ZBTB16: variants seen among roughly 807,000 people sequenced by gnomAD.
ZBTB16 encodes zinc finger and BTB domain-containing protein 16.
In ZBTB16, 8 loss-of-function variants were observed where a neutral mutation model predicts 56.8. That is an observed-to-expected ratio of 0.14 (90% CI 0.08 to 0.25). ZBTB16 has a LOEUF of 0.25. Among genes scored for constraint, ZBTB16 ranks in the 10% least tolerant of loss-of-function variants. The pLI is 1.00. For missense variants in ZBTB16, 625 were observed against 903.0 expected (o/e 0.69, Z 3.95); for synonymous variants, 363 against 368.5 (o/e 0.98, Z 0.17).
Position 114,203,178 on chromosome 11 carries a change from C to T in ZBTB16, c.1453+16140C>T, listed in dbSNP as rs188988021. On this transcript the variant is annotated intron_variant, in intron 4 of 6. Transcript: ENST00000335953. Reference sequence around the variant, plus strand: ...CAGCATGGATGAACTTTGGAAATCCCGTGCTAAGTGAAACAAGCAAGACAT... The same window carrying T: ...CAGCATGGATGAACTTTGGAAATCCTGTGCTAAGTGAAACAAGCAAGACAT... 4.5e-4 allele frequency among the ~76,000 whole-genome samples: 69 copies of T among 152,174 alleles called. 1 individual carries two copies. Among genetic ancestry groups the T allele is most frequent in the African/African-American group, 1.4e-3 (60 of 41,516 alleles).
intron 3 of ZBTB16, among the ~76,000 whole-genome samples, chr11:114,177,645 A>C (rs7125770): frequency 0.013 from 2,018 of 152,242 alleles, 34 homozygotes; most frequent in African/African-American, 0.042. Context: ...TCATCACAGC[A>C]GGGACTGACA....
chr11:114,180,179 A>T (rs980844859), intron 3 of ZBTB16, among the ~76,000 whole-genome samples: 1 of 152,156 alleles, frequency 6.6e-6, no homozygotes, highest in Non-Finnish European at 1.5e-5. Context: ...TCGGGAAGTC[A>T]GGGAAAAAGG....
chr11:114,093,567 G>A (rs1196293854), intron 2 of ZBTB16, among the ~76,000 whole-genome samples: 1 of 152,180 alleles, frequency 6.6e-6, no homozygotes, highest in Admixed American at 6.5e-5. Context: ...CCCAAGGATG[G>A]TGGAGCATTG....
chr11:114,183,463 C>T (rs1047712500), intron 3 of ZBTB16, among the ~76,000 whole-genome samples: 2 of 152,170 alleles, frequency 1.3e-5, no homozygotes, highest in Non-Finnish European at 2.9e-5. Flanking sequence ...GTCATTAAAG[C>T]GAGAAGCTCC....
chr11:114,170,896 C>G (rs535544695), intron 3 of ZBTB16, among the ~76,000 whole-genome samples: 1 of 152,184 alleles, frequency 6.6e-6, no homozygotes, highest in East Asian at 1.9e-4. Flanking sequence ...CTAATATGAG[C>G]CCGGGATAAA....
intron 2 of ZBTB16, among the ~76,000 whole-genome samples, chr11:114,073,980 C>G (rs1280409780): frequency 6.6e-6 from 1 of 152,174 alleles, no homozygotes; most frequent in African/African-American, 2.4e-5. Flanking sequence ...GTCTGATGGA[C>G]TTGGGTTTGA....
At chr11:114,200,130 A>G (rs968693606) in intron 4 of ZBTB16, among the ~76,000 whole-genome samples, 3 of 144,668 alleles carry the variant, frequency 2.1e-5, no homozygotes, top group Admixed American at 7.0e-5. Context: ...TCCGTCTCAA[A>G]AAAAAAAAAA....
intron 4 of ZBTB16, among the ~76,000 whole-genome samples, chr11:114,206,557 GC>G (rs1277391991): frequency 6.6e-6 from 1 of 152,214 alleles, no homozygotes; most frequent in Non-Finnish European, 1.5e-5. Flanking sequence ...GGCCTGAGGA[GC>G]CCCCATAGCA....
At chr11:114,233,838 A>G (rs1944506699) in intron 4 of ZBTB16, among the ~76,000 whole-genome samples, 1 of 152,236 alleles carries the variant, frequency 6.6e-6, no homozygotes, top group Admixed American at 6.5e-5. Context: ...CCGAGTAATG[A>G]AATGCACTTG....
At chr11:114,164,677 T>TTC (rs1349933368) in intron 3 of ZBTB16, among the ~76,000 whole-genome samples, 7 of 152,306 alleles carry the variant, frequency 4.6e-5, no homozygotes, top group African/African-American at 1.4e-4. Context: ...TGGCCGTGCT[T>TTC]TCTCTTGCCC....
At chr11:114,122,388 T>C (rs1385291443) in intron 2 of ZBTB16, among the ~76,000 whole-genome samples, 1 of 152,214 alleles carries the variant, frequency 6.6e-6, no homozygotes, top group Non-Finnish European at 1.5e-5. Flanking sequence ...GGTAGGTGGC[T>C]AATAAACAGA....
chr11:114,116,780 G>A (rs765330299), intron 2 of ZBTB16, among the ~76,000 whole-genome samples: 2 of 152,168 alleles, frequency 1.3e-5, no homozygotes, highest in African/African-American at 2.4e-5. Flanking sequence ...AGCTCCAAGC[G>A]GGGAATGATC....
rs1366526318 is a variant in ZBTB16 at position 114,207,131 on chromosome 11, G to A, written c.1453+20093G>A. Among the ~76,000 whole-genome samples, 3 of 152,088 alleles carry A rather than the reference G, an allele frequency of 2.0e-5. No homozygotes were observed. In the East Asian group the frequency reaches 5.8e-4, roughly 29 times the overall value. ...CCTCATGTGTTACATCCTAGGTAAG[G>A]ATGTCTCTGCCATCTTAACACCCAT... On this transcript the variant is annotated intron_variant, in intron 4 of 6. Transcript: ENST00000335953.
intron 2 of ZBTB16, among the ~76,000 whole-genome samples, chr11:114,076,147 G>A (rs1032487424): frequency 1.3e-5 from 2 of 152,192 alleles, no homozygotes; most frequent in African/African-American, 4.8e-5. Context: ...AAGAGGGGCC[G>A]CTGGGGGAAG....
chr11:114,103,359 C>T lies in ZBTB16; in HGVS notation c.1268+38791C>T, dbSNP rs79991403. Among the ~76,000 whole-genome samples the T allele has an allele frequency of 9.8e-3, 1,495 of 152,274 alleles. 14 individuals are homozygous for T. The highest frequency in any genetic ancestry group is 0.017 in the African/African-American group (715 of 41,562). ...GGTCATGTGCAGAGGGAAGGGACTG[C>T]CCCAGAATTAGCAGTTGGCTGAACA... is the stretch of plus-strand genomic sequence containing the variant. On this transcript the variant is annotated intron_variant, in intron 2 of 6. Transcript: ENST00000335953.
At chr11:114,062,037 G>C (rs916047437) in intron 1 of ZBTB16, among the ~76,000 whole-genome samples, 2 of 152,042 alleles carry the variant, frequency 1.3e-5, no homozygotes, top group Non-Finnish European at 2.9e-5. Flanking sequence ...CCTGTCCACC[G>C]GGCAGTTGTG....
intron 3 of ZBTB16, among the ~76,000 whole-genome samples, chr11:114,174,305 G>C (rs1336430504): frequency 6.9e-6 from 1 of 144,588 alleles, no homozygotes; most frequent in Non-Finnish European, 1.5e-5. Flanking sequence ...CTGCCATTCT[G>C]ACTGAGGTTT....
chr11:114,201,734 C>T (rs2135105408), intron 4 of ZBTB16, among the ~76,000 whole-genome samples: 1 of 152,230 alleles, frequency 6.6e-6, no homozygotes, highest in East Asian at 1.9e-4. Context: ...TAAAGCCACC[C>T]TATAAGACTC....
chr11:114,181,394 C>T (rs774769395), intron 3 of ZBTB16, among the ~76,000 whole-genome samples: 1 of 152,192 alleles, frequency 6.6e-6, no homozygotes, highest in African/African-American at 2.4e-5. Flanking sequence ...TCACAGCTGG[C>T]GACTAGCTTG....
Sources: allele counts gnomAD v4.1 joint callset (sites outside exome capture counted in the v4.1 genomes callset), GRCh38; gene constraint gnomAD v4.1.1; transcripts MANE v1.5; gene names NCBI Gene and HGNC (gene_info 2026-07-23, HGNC 2026-07-21).